Variants in IL16 observed in about 807,000 individuals in gnomAD.
IL16 encodes pro-interleukin-16.
A neutral mutation model predicts 110.1 loss-of-function variants in IL16; 67 were observed. That is an observed-to-expected ratio of 0.61 (90% CI 0.50 to 0.75). IL16 has a LOEUF of 0.75. IL16 is among the 30% of genes least tolerant of loss of function. The pLI is 0.00. For synonymous variants in IL16, 689 were observed against 662.9 expected (o/e 1.04, Z -0.61); for missense variants, 1,545 against 1,655.0 (o/e 0.93, Z 1.15).
chr15:81,308,560 G>C, intron 18 of IL16, 45 bp from the exon 19 acceptor site: 1 of 1,456,918 alleles, frequency 6.9e-7, no homozygotes, highest in Non-Finnish European at 9.3e-7. Flanking sequence ...AACTTTCCTT[G>C]TTCCCCATCA....
chr15:81,246,719 G>T (rs151131360), intron 2 of IL16, among the ~76,000 whole-genome samples: 3 of 152,060 alleles, frequency 2.0e-5, no homozygotes, highest in African/African-American at 7.2e-5. Context: ...TGTGAGGTGT[G>T]GTTTCTCATT....
At chr15:81,291,705 G>C (rs1899723975) in intron 11 of IL16, among the ~76,000 whole-genome samples, 3 of 152,144 alleles carry the variant, frequency 2.0e-5, no homozygotes, top group Non-Finnish European at 4.4e-5. Flanking sequence ...AACTAGGGTA[G>C]GGGGTACTGA....
chr15:81,241,262 ATATACT>A (rs1897327054), intron 2 of IL16, among the ~76,000 whole-genome samples: 1 of 151,958 alleles, frequency 6.6e-6, no homozygotes, highest in Admixed American at 6.5e-5. Flanking sequence ...GTTTATTTAG[ATATACT>A]TATTTATTTG....
intron 5 of IL16, among the ~76,000 whole-genome samples, chr15:81,272,836 T>A (rs576833336): frequency 4.6e-5 from 7 of 152,294 alleles, no homozygotes; most frequent in African/African-American, 1.4e-4. Flanking sequence ...TGTGGGAAAC[T>A]TCAGATTCCC....
intron 3 of IL16, among the ~76,000 whole-genome samples, chr15:81,263,230 A>G (rs78771897): frequency 0.011 from 1,671 of 152,282 alleles, 23 homozygotes; most frequent in African/African-American, 0.039. Context: ...TCCCTTTTCC[A>G]TGGATTTTTC....
At chr15:81,213,067 A>G (rs1196659843) in intron 1 of IL16, among the ~76,000 whole-genome samples, 1 of 152,080 alleles carries the variant, frequency 6.6e-6, no homozygotes. Flanking sequence ...CATCCCAGAG[A>G]TTTTGGTAAG....
chr15:81,214,773 T>A (rs1896366655), intron 1 of IL16, among the ~76,000 whole-genome samples: 1 of 152,242 alleles, frequency 6.6e-6, no homozygotes, highest in Non-Finnish European at 1.5e-5. Flanking sequence ...ATTGTAGATT[T>A]GATCTCTTTA....
chr15:81,306,303 T>A, intron 17 of IL16, 117 bp from the exon 18 acceptor site: 1 of 1,531,124 alleles, frequency 6.5e-7, no homozygotes, highest in Non-Finnish European at 8.8e-7. Context: ...GAGACGTGTT[T>A]ACATGTGCCT....
chr15:81,259,502 T>G (rs1898074505), intron 2 of IL16, among the ~76,000 whole-genome samples: 1 of 152,250 alleles, frequency 6.6e-6, no homozygotes, highest in South Asian at 2.1e-4. Flanking sequence ...ACTTGACATC[T>G]AATAGCTGAA....
chr15:81,231,398 G>T (rs1311579499), intron 2 of IL16, among the ~76,000 whole-genome samples: 2 of 119,520 alleles, frequency 1.7e-5, no homozygotes, highest in Non-Finnish European at 3.3e-5. Context: ...CTTAAGACAG[G>T]GTCTTGCTTT....
At chr15:81,243,254 C>A (rs1897414074) in intron 2 of IL16, among the ~76,000 whole-genome samples, 1 of 134,322 alleles carries the variant, frequency 7.4e-6, no homozygotes, top group Admixed American at 8.2e-5. Context: ...TGGCTCACTG[C>A]AGTCTTCACC....
At chr15:81,255,705 A>G (rs1295977688) in intron 2 of IL16, among the ~76,000 whole-genome samples, 1 of 152,164 alleles carries the variant, frequency 6.6e-6, no homozygotes, top group East Asian at 1.9e-4. Context: ...TTCTACAGCC[A>G]ACATTGAAAC....
At chr15:81,207,454 T>C (rs191099698) in intron 1 of IL16, among the ~76,000 whole-genome samples, 210 of 152,188 alleles carry the variant, frequency 1.4e-3, no homozygotes, top group Non-Finnish European at 2.4e-3. Context: ...GTTACATGGG[T>C]ATATTACAAC....
At chr15:81,279,955 C>T (rs1319540641) in intron 8 of IL16, among the ~76,000 whole-genome samples, 181 bp downstream of exon 8, 3 of 152,136 alleles carry the variant, frequency 2.0e-5, no homozygotes, top group African/African-American at 4.8e-5. Context: ...ACATACCATT[C>T]GAACCTAGTC....
At chr15:81,273,551 T>A (rs772647262) in intron 6 of IL16, among the ~76,000 whole-genome samples, 2 of 152,086 alleles carry the variant, frequency 1.3e-5, no homozygotes, top group Non-Finnish European at 2.9e-5. Context: ...CCATCCAAGA[T>A]CCTGTCTCAG....
At chr15:81,264,561 C>CA (rs905064422) in intron 3 of IL16, among the ~76,000 whole-genome samples, 1 of 152,168 alleles carries the variant, frequency 6.6e-6, no homozygotes, top group African/African-American at 2.4e-5. Flanking sequence ...GAACTACCAC[C>CA]AATCTTACCT....
chr15:81,297,692 G>A (rs1451773202), intron 13 of IL16, among the ~76,000 whole-genome samples: 1 of 152,140 alleles, frequency 6.6e-6, no homozygotes, highest in African/African-American at 2.4e-5. Context: ...TCACTCATCA[G>A]CAATGTGTGG....
At chr15:81,271,319 A>C (rs1247988468) in intron 5 of IL16, among the ~76,000 whole-genome samples, 1 of 151,598 alleles carries the variant, frequency 6.6e-6, no homozygotes, top group South Asian at 2.1e-4. Context: ...AAATATATAA[A>C]ATAATTAACC....
At chr15:81,261,419 G>A (rs559620014) in intron 3 of IL16, among the ~76,000 whole-genome samples, 8 of 152,104 alleles carry the variant, frequency 5.3e-5, no homozygotes, top group Admixed American at 5.2e-4. Flanking sequence ...GTCAATGACA[G>A]GCATCAATGG....
Sources: allele counts gnomAD v4.1 joint callset (sites outside exome capture counted in the v4.1 genomes callset), GRCh38; gene constraint gnomAD v4.1.1; transcripts MANE v1.5; gene names NCBI Gene and HGNC (gene_info 2026-07-23, HGNC 2026-07-21).